The following COL22A1 variants were observed in gnomAD, a reference collection of about 807,000 sequenced individuals.
The protein encoded by COL22A1 is collagen alpha-1(XXII) chain.
A neutral mutation model predicts 248.9 loss-of-function variants in COL22A1; 221 were observed. The observed-to-expected ratio is 0.89, with a 90% CI of 0.80 to 0.99. COL22A1 has a LOEUF of 0.99. COL22A1 is among the 50% of genes least tolerant of loss of function. The pLI, the probability that COL22A1 is intolerant of heterozygous loss-of-function variation, is 0.00. For missense variants in COL22A1, 2,240 were observed against 2,179.0 expected (o/e 1.03, Z -0.56); for synonymous variants, 891 against 793.4 (o/e 1.12, Z -2.07).
intron 48 of COL22A1, 46 bp downstream of exon 48, chr8:138,636,696 T>A (rs1206563842): frequency 7.1e-7 from 1 of 1,412,904 alleles, no homozygotes; most frequent in Non-Finnish European, 1.0e-6. Flanking sequence ...GGAGAAACAG[T>A]GCTCCTTCCT....
intron 31 of COL22A1, among the ~76,000 whole-genome samples, chr8:138,700,623 A>G (rs925070734): frequency 1.3e-5 from 2 of 152,208 alleles, no homozygotes; most frequent in South Asian, 2.1e-4. Flanking sequence ...GACAGAGCCC[A>G]GGCTACAAAG....
chr8:138,676,535 G>T, intron 41 of COL22A1, 23 bp downstream of exon 41: 2 of 1,531,032 alleles, frequency 1.3e-6, no homozygotes, highest in Non-Finnish European at 1.8e-6. Context: ...AAGCAAGTAA[G>T]AGCTGGATAA....
At chr8:138,850,999 C>T (rs1821598733) in intron 3 of COL22A1, among the ~76,000 whole-genome samples, 1 of 152,224 alleles carries the variant, frequency 6.6e-6, no homozygotes, top group Non-Finnish European at 1.5e-5. Flanking sequence ...CATGAACACA[C>T]AGGTGAGTGG....
At chr8:138,910,448 A>G (rs969253459) in intron 1 of COL22A1, among the ~76,000 whole-genome samples, 1 of 152,102 alleles carries the variant, frequency 6.6e-6, no homozygotes, top group Non-Finnish European at 1.5e-5. Flanking sequence ...TATGTTTGAG[A>G]CTCAGTTCTG....
chr8:138,685,387 G>A, intron 37 of COL22A1, 75 bp from the exon 38 acceptor site: 2 of 1,150,696 alleles, frequency 1.7e-6, no homozygotes, highest in Non-Finnish European at 2.5e-6. Context: ...AGCAGCTTGA[G>A]TAGGTTTGTA....
In COL22A1 at chr8:138,871,162, A is replaced by T. The variant is rs1256173121; in HGVS notation, c.658+6588T>A. Among the ~76,000 whole-genome samples the T allele has an allele frequency of 3.9e-5, 6 of 152,258 alleles. No homozygotes were observed. In the East Asian group the frequency reaches 1.2e-3, roughly 29 times the overall value. Reference sequence around the variant, plus strand: ...AGACACGCCACCCAGACTTGCCAACAGCCAGCCTCCCTGCCGTCCCCTGGG... The same window carrying T: ...AGACACGCCACCCAGACTTGCCAACTGCCAGCCTCCCTGCCGTCCCCTGGG... On this transcript the variant is annotated intron_variant, in intron 3 of 64. Coordinates refer to ENST00000303045, the MANE Select transcript of COL22A1 (RefSeq NM_152888.3).
chr8:138,834,326 A>C (rs1474775197), intron 4 of COL22A1, among the ~76,000 whole-genome samples: 2 of 151,104 alleles, frequency 1.3e-5, no homozygotes, highest in Non-Finnish European at 2.9e-5. Flanking sequence ...ACTCTAAGGC[A>C]CTACTGAAAA....
chr8:138,672,777 T>A (rs933492964), intron 41 of COL22A1, among the ~76,000 whole-genome samples: 2 of 152,228 alleles, frequency 1.3e-5, no homozygotes, highest in African/African-American at 4.8e-5. Context: ...ATTTCCTTGA[T>A]GCTGCTGCAG....
chr8:138,843,262 G>T (rs1821015226), intron 4 of COL22A1, among the ~76,000 whole-genome samples: 1 of 152,162 alleles, frequency 6.6e-6, no homozygotes, highest in Non-Finnish European at 1.5e-5. Flanking sequence ...TCCCTGGGAT[G>T]CAAGCAGGGT....
At chr8:138,776,109 C>G in intron 15 of COL22A1, 99 bp from the exon 16 acceptor site, 1 of 1,179,826 alleles carries the variant, frequency 8.5e-7, no homozygotes, top group East Asian at 2.3e-5. Context: ...CAGCTTCCAG[C>G]CCAGGGTGGC....
intron 63 of COL22A1, 87 bp downstream of exon 63, chr8:138,593,928 AAT>A: frequency 9.9e-7 from 1 of 1,010,088 alleles, no homozygotes; most frequent in South Asian, 2.1e-5. Flanking sequence ...GAGTGGCATG[AAT>A]AATGCATGCA....
chr8:138,611,378 A>G (rs9650562), intron 56 of COL22A1, among the ~76,000 whole-genome samples: 100,526 of 152,058 alleles, frequency 0.66, 34,743 homozygotes, highest in Middle Eastern at 0.82. Context: ...TGATGAATAC[A>G]GGAGAGGAGG....
chr8:138,714,981 T>C (rs1406084482), intron 30 of COL22A1, among the ~76,000 whole-genome samples: 1 of 152,244 alleles, frequency 6.6e-6, no homozygotes. Context: ...ATGTCTATTA[T>C]ACCTGTGAAA....
chr8:138,616,180 A>T, intron 54 of COL22A1, 126 bp from the exon 55 acceptor site: 1 of 787,078 alleles, frequency 1.3e-6, no homozygotes, highest in Non-Finnish European at 2.2e-6. Context: ...TTCCATACGC[A>T]GAGCCCCAGC....
chr8:138,905,930 C>G (rs768019696), intron 1 of COL22A1, among the ~76,000 whole-genome samples: 5 of 152,170 alleles, frequency 3.3e-5, no homozygotes, highest in Non-Finnish European at 5.9e-5. Context: ...TCTTGCCAGA[C>G]AGACTCCTAT....
chr8:138,676,714 T>C (rs1374465426), intron 40 of COL22A1, 79 bp from the exon 41 acceptor site: 1 of 1,084,904 alleles, frequency 9.2e-7, no homozygotes, highest in Admixed American at 2.2e-5. Context: ...ATCATGCTTC[T>C]TCTAGAATCC....
At chr8:138,852,782 T>C (rs143484148) in intron 3 of COL22A1, among the ~76,000 whole-genome samples, 207 of 152,006 alleles carry the variant, frequency 1.4e-3, no homozygotes, top group African/African-American at 4.8e-3. Flanking sequence ...AGGTCCGCAG[T>C]GTATGTGGAG....
At chr8:138,800,508 A>G (rs531734955) in intron 11 of COL22A1, among the ~76,000 whole-genome samples, 1 of 152,342 alleles carries the variant, frequency 6.6e-6, no homozygotes, top group South Asian at 2.1e-4. Flanking sequence ...CACAAATGTG[A>G]AAAGTGAAGC....
chr8:138,831,563 G>C (rs1434175859), intron 5 of COL22A1, among the ~76,000 whole-genome samples: 1 of 152,156 alleles, frequency 6.6e-6, no homozygotes, highest in African/African-American at 2.4e-5. Flanking sequence ...GAGCATAATG[G>C]GTGAGCATGC....
Sources: allele counts gnomAD v4.1 joint callset (sites outside exome capture counted in the v4.1 genomes callset), GRCh38; gene constraint gnomAD v4.1.1; transcripts MANE v1.5; gene names NCBI Gene and HGNC (gene_info 2026-07-23, HGNC 2026-07-21).